The following SLC2A13 variants were observed in gnomAD, a reference collection of about 807,000 sequenced individuals.
SLC2A13 encodes the protein solute carrier family 2 member 13, also known as proton myo-inositol cotransporter.
A neutral mutation model predicts 64.4 loss-of-function variants in SLC2A13; 32 were observed. The ratio of observed to expected loss-of-function variants is 0.50; its 90% CI spans 0.37 to 0.67. The LOEUF (loss-of-function observed/expected upper bound fraction) is 0.67, where lower values mean the gene tolerates loss of function less well. SLC2A13 is among the 30% of genes least tolerant of loss of function. The pLI is 0.00. For synonymous variants in SLC2A13, 338 were observed against 327.1 expected (o/e 1.03, Z -0.36); for missense variants, 743 against 829.2 (o/e 0.90, Z 1.28).
At chr12:39,917,920 C>T (rs1945547613) in intron 4 of SLC2A13, among the ~76,000 whole-genome samples, 2 of 152,106 alleles carry the variant, frequency 1.3e-5, no homozygotes, top group South Asian at 4.1e-4. Flanking sequence ...TTTCCTTCTT[C>T]CCTAATCTCA....
intron 7 of SLC2A13, among the ~76,000 whole-genome samples, chr12:39,804,777 A>G (rs1941912450): frequency 6.6e-6 from 1 of 152,170 alleles, no homozygotes; most frequent in Non-Finnish European, 1.5e-5. Context: ...TAAATGGATT[A>G]GCATACAGAT....
chr12:40,079,422 G>A (rs1938306439), intron 1 of SLC2A13, among the ~76,000 whole-genome samples: 1 of 152,158 alleles, frequency 6.6e-6, no homozygotes, highest in Admixed American at 6.6e-5. Flanking sequence ...CAGTTTGGGG[G>A]ATCTTCTTGG....
At chr12:39,974,064 A>C (rs553783831) in intron 3 of SLC2A13, among the ~76,000 whole-genome samples, 2 of 152,336 alleles carry the variant, frequency 1.3e-5, no homozygotes, top group African/African-American at 4.8e-5. Context: ...CAGCAGCAGC[A>C]GTAGCAGCAT....
At chr12:39,890,147 A>G (rs1944567591) in intron 4 of SLC2A13, among the ~76,000 whole-genome samples, 1 of 152,196 alleles carries the variant, frequency 6.6e-6, no homozygotes, top group South Asian at 2.1e-4. Flanking sequence ...CTAGGTATAT[A>G]TTAATATAAA....
At chr12:40,096,620 G>C (rs769937864) in intron 1 of SLC2A13, among the ~76,000 whole-genome samples, 1 of 151,640 alleles carries the variant, frequency 6.6e-6, no homozygotes, top group Non-Finnish European at 1.5e-5. Flanking sequence ...CAGTTACTTC[G>C]TTCTTTTCCC....
chr12:39,899,864 G>T (rs1436547683), intron 4 of SLC2A13, among the ~76,000 whole-genome samples: 11 of 152,136 alleles, frequency 7.2e-5, no homozygotes, highest in African/African-American at 2.4e-4. Context: ...TATAATTTCT[G>T]TTCTTTTACA....
chr12:39,970,207 G>T (rs970303321), intron 3 of SLC2A13, among the ~76,000 whole-genome samples: 3 of 152,204 alleles, frequency 2.0e-5, no homozygotes, highest in African/African-American at 7.2e-5. Flanking sequence ...CTGTAGCCTT[G>T]TAGTATAGTT....
At chr12:39,796,481 C>T (rs1398013380) in intron 7 of SLC2A13, among the ~76,000 whole-genome samples, 2 of 150,832 alleles carry the variant, frequency 1.3e-5, no homozygotes, top group Non-Finnish European at 3.0e-5. Context: ...TATAAGACTT[C>T]TAGGCCATTT....
At chr12:39,980,141 C>G (rs1014758858) in intron 3 of SLC2A13, among the ~76,000 whole-genome samples, 2 of 146,682 alleles carry the variant, frequency 1.4e-5, no homozygotes, top group African/African-American at 4.9e-5. Context: ...TTTGTCACCA[C>G]CAGGCCTGCC....
intron 3 of SLC2A13, among the ~76,000 whole-genome samples, chr12:40,000,908 G>A (rs1591995011): frequency 1.3e-5 from 2 of 152,086 alleles, no homozygotes; most frequent in African/African-American, 4.8e-5. Flanking sequence ...AATCCCAGTG[G>A]AACAGTAAAC....
At chr12:39,979,109 G>A (rs1020335886) in intron 3 of SLC2A13, among the ~76,000 whole-genome samples, 1 of 151,648 alleles carries the variant, frequency 6.6e-6, no homozygotes, top group East Asian at 1.9e-4. Flanking sequence ...TGCAGCTGAG[G>A]GTCCTGTCTG....
chr12:39,808,971 A>G (rs984948388), intron 7 of SLC2A13, among the ~76,000 whole-genome samples: 7 of 152,030 alleles, frequency 4.6e-5, no homozygotes, highest in Non-Finnish European at 8.8e-5. Context: ...TTTGTGTCCT[A>G]TCTACTTGCT....
chr12:39,858,620 T>C (rs1293757588), intron 6 of SLC2A13, among the ~76,000 whole-genome samples: 2 of 152,198 alleles, frequency 1.3e-5, no homozygotes, highest in East Asian at 3.8e-4. Flanking sequence ...TTTGTTTGTT[T>C]GTTTGAGATG....
chr12:40,011,978 G>A (rs1947539596), intron 3 of SLC2A13, among the ~76,000 whole-genome samples: 1 of 152,184 alleles, frequency 6.6e-6, no homozygotes, highest in Admixed American at 6.5e-5. Flanking sequence ...GTGATAGGCA[G>A]AGCAGGAGTT....
Position 39,758,360 on chromosome 12 carries a change from A to C in SLC2A13, c.*1666T>G, listed in dbSNP as rs1940025558. ...TGTGATAGGAACAAGCCAGACATTA[A>C]AAGAATAGAGTATCTTGGAGACTGG... On this transcript the variant is annotated 3_prime_UTR_variant, in exon 10 of 10. Transcript: ENST00000280871. 6.6e-6 allele frequency: 1 copy of C among 151,848 alleles called. No individual in the cohort carries two copies. The highest frequency in any genetic ancestry group is 1.5e-5 in the Non-Finnish European group (1 of 67,768). 9.4% of individuals were successfully genotyped at this position (151,848 alleles called of 1,614,324 possible). A position where few individuals can be genotyped will look rare whatever the true frequency, so the allele number is the denominator to read the frequency against.
chr12:39,913,563 A>C (rs1945467348), intron 4 of SLC2A13, among the ~76,000 whole-genome samples: 1 of 151,864 alleles, frequency 6.6e-6, no homozygotes. Flanking sequence ...AGAAAGGTTG[A>C]TGGAAGAGAT....
At chr12:39,932,161 G>T (rs10784284) in intron 4 of SLC2A13, among the ~76,000 whole-genome samples, 120,648 of 152,068 alleles carry the variant, frequency 0.79, 48,043 homozygotes, top group Non-Finnish European at 0.83. Context: ...GGGTGATTTT[G>T]ATTTTACTAT....
intron 3 of SLC2A13, among the ~76,000 whole-genome samples, chr12:39,977,499 C>G (rs577558783): frequency 6.6e-6 from 1 of 152,210 alleles, no homozygotes; most frequent in South Asian, 2.1e-4. Flanking sequence ...GTCTTTTTCT[C>G]ATTACATCAA....
chr12:39,969,705 T>C (rs1946605851), intron 3 of SLC2A13, among the ~76,000 whole-genome samples: 2 of 152,232 alleles, frequency 1.3e-5, no homozygotes, highest in Admixed American at 1.3e-4. Context: ...TATTAGCCCT[T>C]TGTCAGATGA....
Sources: gnomAD v4.1 joint callset for allele counts (sites outside exome capture counted in the v4.1 genomes callset) on GRCh38, gnomAD v4.1.1 for gene constraint, MANE v1.5 for transcripts, NCBI Gene and HGNC (gene_info 2026-07-23, HGNC 2026-07-21) for gene names.